Variants in SPAG16 observed in about 807,000 individuals in gnomAD.
SPAG16 encodes sperm-associated antigen 16 protein.
A neutral mutation model predicts 80.4 loss-of-function variants in SPAG16; 86 were observed. The observed-to-expected ratio is 1.07, with a 90% CI of 0.90 to 1.28. The LOEUF (loss-of-function observed/expected upper bound fraction) is 1.28, where lower values mean the gene tolerates loss of function less well. Among genes scored for constraint, SPAG16 ranks in the 50% most tolerant of loss-of-function variants. The pLI is 0.00. For synonymous variants in SPAG16, 294 were observed against 265.9 expected (o/e 1.11, Z -1.03); for missense variants, 870 against 765.3 (o/e 1.14, Z -1.61).
chr2:214,166,913 A>G (rs2056678688), intron 15 of SPAG16, among the ~76,000 whole-genome samples: 1 of 152,164 alleles, frequency 6.6e-6, no homozygotes, highest in Non-Finnish European at 1.5e-5. Context: ...AAGAGCTGGT[A>G]TCTTTTTAAC....
chr2:214,077,970 G>C (rs913822577), intron 13 of SPAG16, among the ~76,000 whole-genome samples: 2 of 152,196 alleles, frequency 1.3e-5, no homozygotes, highest in Admixed American at 6.5e-5. Context: ...AGCTGCTCTG[G>C]GCTTGCATCT....
At chr2:214,391,692 A>C (rs13029303) in intron 15 of SPAG16, among the ~76,000 whole-genome samples, 89 of 152,296 alleles carry the variant, frequency 5.8e-4, no homozygotes, top group Non-Finnish European at 9.7e-4. Context: ...TGCCTAAAGA[A>C]GACGACTTCC....
At chr2:214,120,817 C>T (rs144778078) in intron 14 of SPAG16, among the ~76,000 whole-genome samples, 1 of 151,742 alleles carries the variant, frequency 6.6e-6, no homozygotes, top group Non-Finnish European at 1.5e-5. Context: ...AAACTTGTAA[C>T]TTTTAATTTT....
intron 10 of SPAG16, among the ~76,000 whole-genome samples, chr2:213,648,895 C>T (rs1281308363): frequency 6.6e-6 from 1 of 151,902 alleles, no homozygotes; most frequent in Non-Finnish European, 1.5e-5. Flanking sequence ...CCTGTGGCCA[C>T]AATGAAAGGA....
At chr2:214,302,934 A>G (rs1005861561) in intron 15 of SPAG16, among the ~76,000 whole-genome samples, 11 of 152,202 alleles carry the variant, frequency 7.2e-5, no homozygotes, top group African/African-American at 2.7e-4. Flanking sequence ...GTAACATAAG[A>G]AAAGCTACTC....
At chr2:214,068,533 G>A (rs756020403) in intron 13 of SPAG16, among the ~76,000 whole-genome samples, 1 of 152,032 alleles carries the variant, frequency 6.6e-6, no homozygotes, top group Non-Finnish European at 1.5e-5. Context: ...GTCTGACTCA[G>A]AGCTTTTCCT....
chr2:213,377,899 ATATATTTT>A (rs1160587095), intron 9 of SPAG16, among the ~76,000 whole-genome samples: 29 of 17,872 alleles, frequency 1.6e-3, no homozygotes, highest in African/African-American at 5.8e-3. Context: ...ATATATATAT[ATATATTTT>A]TTTTTTTTTT....
chr2:213,459,034 T>G (rs186390932), intron 9 of SPAG16, among the ~76,000 whole-genome samples: 4 of 152,314 alleles, frequency 2.6e-5, no homozygotes, highest in Non-Finnish European at 4.4e-5. Context: ...TTTTCCAACC[T>G]GGGAGTCCAA....
intron 10 of SPAG16, among the ~76,000 whole-genome samples, chr2:213,727,857 T>C (rs1422894577): frequency 1.3e-5 from 2 of 151,196 alleles, no homozygotes; most frequent in African/African-American, 2.4e-5. Context: ...TTTTATTTTA[T>C]TTTATTTTGA....
chr2:214,020,359 A>G (rs551729970), intron 13 of SPAG16, among the ~76,000 whole-genome samples: 3 of 152,302 alleles, frequency 2.0e-5, no homozygotes, highest in African/African-American at 7.2e-5. Flanking sequence ...TACTTTATAT[A>G]TACACCTGAA....
chr2:213,500,606 T>G (rs2074699715), intron 10 of SPAG16, among the ~76,000 whole-genome samples: 1 of 152,208 alleles, frequency 6.6e-6, no homozygotes. Flanking sequence ...TTTCTGTGCT[T>G]CTTTTTATCA....
intron 10 of SPAG16, among the ~76,000 whole-genome samples, chr2:213,575,305 G>A (rs1023903277): frequency 6.6e-6 from 1 of 152,032 alleles, no homozygotes; most frequent in African/African-American, 2.4e-5. Flanking sequence ...ACAACCCACA[G>A]CAATACTTTA....
rs570377352 is a variant in SPAG16, at chr2:214,326,274, G to C, written c.1721-83866G>C. ...AATGTGGAAGTTGAAGCAGATACTG[G>C]AGTGATGCAGCCAAAGCCAAGGAAG... On this transcript the variant is annotated intron_variant, in intron 15 of 15. Transcript: ENST00000331683. Among the ~76,000 whole-genome samples, 3 of 152,322 alleles carry C rather than the reference G, an allele frequency of 2.0e-5. No individual in the cohort carries two copies. In the East Asian group the frequency reaches 5.8e-4, roughly 29 times the overall value.
At chr2:213,381,443 G>A (rs149628467) in intron 9 of SPAG16, among the ~76,000 whole-genome samples, 7 of 152,268 alleles carry the variant, frequency 4.6e-5, no homozygotes, top group East Asian at 1.9e-4. Context: ...CCATAACAAC[G>A]GTTCCATGTT....
intron 13 of SPAG16, among the ~76,000 whole-genome samples, chr2:214,068,969 T>C (rs1349433600): frequency 2.0e-5 from 3 of 152,138 alleles, no homozygotes; most frequent in African/African-American, 7.2e-5. Context: ...CGTTGCATTA[T>C]ATATACTCTA....
intron 12 of SPAG16, among the ~76,000 whole-genome samples, chr2:213,976,446 A>G (rs1483893688): frequency 6.6e-6 from 1 of 151,916 alleles, no homozygotes; most frequent in Non-Finnish European, 1.5e-5. Flanking sequence ...AATATATCCT[A>G]TTGGACCTTT....
chr2:213,763,442 C>T (rs1327432241), intron 10 of SPAG16, among the ~76,000 whole-genome samples: 1 of 152,160 alleles, frequency 6.6e-6, no homozygotes, highest in Non-Finnish European at 1.5e-5. Context: ...AAGAAAAATA[C>T]TGCATGATCT....
In SPAG16 at chr2:213,857,410, T is replaced by A. The variant is rs569216918; in HGVS notation, c.1071-5075T>A. On this transcript the variant is annotated intron_variant, in intron 10 of 15. Coordinates refer to ENST00000331683, the MANE Select transcript of SPAG16 (RefSeq NM_024532.5). ...TGAAGCCAATGCTCATTGACCATGT[T>A]GAAAATCCTAGGATCTTTAAGATTA... Among the ~76,000 whole-genome samples, 24 of 152,314 alleles carry A rather than the reference T, an allele frequency of 1.6e-4. No homozygotes were observed. In the South Asian group the frequency reaches 4.3e-3, roughly 28 times the overall value.
chr2:213,626,641 A>ATTTTTTTTTTTTTTTTTTTTTTTTTTTTT (rs10582370), intron 10 of SPAG16, among the ~76,000 whole-genome samples: 3 of 98,980 alleles, frequency 3.0e-5, no homozygotes, highest in African/African-American at 3.9e-5. Flanking sequence ...ATCGGGCTCA[A>ATTTTTTTTTTTTTTTTTTTTTTTTTTTTT]TTTTTTTTTT....
Sources: gnomAD v4.1 joint callset for allele counts (sites outside exome capture counted in the v4.1 genomes callset) on GRCh38, gnomAD v4.1.1 for gene constraint, MANE v1.5 for transcripts, NCBI Gene and HGNC (gene_info 2026-07-23, HGNC 2026-07-21) for gene names.